Variants in MYH16 observed in about 807,000 individuals in gnomAD.
The protein encoded by MYH16 is myosin heavy chain 16, also known as putative uncharacterized protein MYH16.
chr7:99,257,742 G>A (rs1791888297), intron 10 of MYH16, among the ~76,000 whole-genome samples: 1 of 152,174 alleles, frequency 6.6e-6, no homozygotes, highest in Admixed American at 6.5e-5. Context: ...AACCTTGTAG[G>A]CTCAAATGAT....
chr7:99,241,128 C>T (rs1428448871), intron 1 of MYH16, among the ~76,000 whole-genome samples: 1 of 152,174 alleles, frequency 6.6e-6, no homozygotes, highest in Non-Finnish European at 1.5e-5. Flanking sequence ...CAGACAGTGC[C>T]GGCCAGCCGG....
intron 36 of MYH16, among the ~76,000 whole-genome samples, chr7:99,298,392 C>G (rs1792535673): frequency 6.6e-6 from 1 of 152,080 alleles, no homozygotes; most frequent in Non-Finnish European, 1.5e-5. Flanking sequence ...GCCACTGTGC[C>G]CAGCTAATTT....
At chr7:99,288,419 C>G (rs1330479051) in intron 29 of MYH16, among the ~76,000 whole-genome samples, 1 of 151,932 alleles carries the variant, frequency 6.6e-6, no homozygotes, top group Non-Finnish European at 1.5e-5. Flanking sequence ...GCCTGGGCAA[C>G]AGAGTAAGAC....
At chr7:99,292,324 G>A (rs770725380) in exon 32 of MYH16, 7 of 456,472 alleles carry the variant, frequency 1.5e-5, no homozygotes, top group African/African-American at 4.0e-5. Context: ...TCGCAGCACC[G>A]CCGTGGTGAG....
At chr7:99,268,619 C>T (rs543288143) in intron 18 of MYH16, among the ~76,000 whole-genome samples, 2 of 152,336 alleles carry the variant, frequency 1.3e-5, no homozygotes, top group African/African-American at 4.8e-5. Context: ...ACTAGGCAGA[C>T]TGGCAGCAGG....
chr7:99,294,216 C>A (rs535465754), intron 33 of MYH16, 66 bp downstream of exon 14: 2 of 413,154 alleles, frequency 4.8e-6, no homozygotes, highest in South Asian at 3.5e-5. Context: ...AGGGCTAGGG[C>A]AAGGCTGTCA....
At chr7:99,240,349 G>A (rs910276355) in intron 1 of MYH16, among the ~76,000 whole-genome samples, 3 of 152,056 alleles carry the variant, frequency 2.0e-5, no homozygotes, top group Non-Finnish European at 2.9e-5. Flanking sequence ...CCAAGAGGGA[G>A]GCATGAGCCA....
At chr7:99,309,733 G>T (rs1415178872), downstream of MYH16, among the ~76,000 whole-genome samples, 1 of 152,216 alleles carries the variant, frequency 6.6e-6, no homozygotes, top group Non-Finnish European at 1.5e-5. Context: ...GGCTGGACCT[G>T]GTACAATTGC....
chr7:99,245,275 C>T (rs1409637798), intron 2 of MYH16, among the ~76,000 whole-genome samples: 2 of 152,178 alleles, frequency 1.3e-5, no homozygotes, highest in Non-Finnish European at 2.9e-5. Flanking sequence ...GAAAATTCAA[C>T]ATATCCCAGT....
chr7:99,256,275 CAAAAAAAA>C (rs55894638), intron 9 of MYH16, among the ~76,000 whole-genome samples: 21 of 71,018 alleles, frequency 3.0e-4, no homozygotes, highest in African/African-American at 1.0e-3. Context: ...CCCGTCTCTG[CAAAAAAAA>C]AAAAAAAAAA....
exon 42 of MYH16, chr7:99,306,794 C>G (rs1186263837): frequency 5.9e-5 from 9 of 152,852 alleles, no homozygotes; most frequent in African/African-American, 2.2e-4. Flanking sequence ...CCTCGAAAAC[C>G]CTTTCTGAGG....
chr7:99,279,448 C>T, intron 21 of MYH16, 62 bp from the exon 4 acceptor site: 2 of 440,572 alleles, frequency 4.5e-6, no homozygotes, highest in South Asian at 3.2e-5. Context: ...AAGGCTTGTC[C>T]AGCGTCTTGG....
chr7:99,297,914 G>A (rs955377228), exon 36 of MYH16: 10 of 456,538 alleles, frequency 2.2e-5, no homozygotes, highest in Non-Finnish European at 3.5e-5. Flanking sequence ...AAGGTGATTC[G>A]AATTCAGTTG....
intron 8 of MYH16, among the ~76,000 whole-genome samples, chr7:99,255,088 G>A (rs1791854964): frequency 6.6e-6 from 1 of 152,076 alleles, no homozygotes; most frequent in African/African-American, 2.4e-5. Context: ...GGCCAACATG[G>A]CGAAACCCCA....
In MYH16 at chr7:99,304,759, A is replaced by G. The variant is rs533794067; in HGVS notation, n.5434+3A>G. On this transcript the variant is annotated splice_donor_region_variant and intron_variant and non_coding_transcript_variant, in intron 40 of 41. Transcript: ENST00000439784. Reference sequence around the variant, plus strand: ...CGATCATGAAGCTGGAGGCCAGGGTAAGGGCGATGCAGGGCTCAGCCAAGG... The same window carrying G: ...CGATCATGAAGCTGGAGGCCAGGGTGAGGGCGATGCAGGGCTCAGCCAAGG... 6.5e-6 allele frequency: 1 copy of G among 152,974 alleles called. No individual in the cohort carries two copies. The highest frequency in any genetic ancestry group is 2.4e-5 in the African/African-American group (1 of 41,576). The allele number at this position is 152,974 out of a possible 1,614,324, so 9.5% of individuals were successfully genotyped here.
At chr7:99,303,437 C>T (rs972535341) in intron 39 of MYH16, among the ~76,000 whole-genome samples, 11 of 152,358 alleles carry the variant, frequency 7.2e-5, no homozygotes, top group South Asian at 2.1e-4. Context: ...GCACAAGGCC[C>T]GGGGTCTTGC....
intron 39 of MYH16, among the ~76,000 whole-genome samples, chr7:99,303,987 C>T (rs1478755385): frequency 6.6e-6 from 1 of 152,146 alleles, no homozygotes; most frequent in Non-Finnish European, 1.5e-5. Context: ...CGGGTGTTCA[C>T]ACCAGCCTCG....
intron 23 of MYH16, among the ~76,000 whole-genome samples, chr7:99,282,186 CT>C (rs1792207532): frequency 7.8e-6 from 1 of 128,250 alleles, no homozygotes; most frequent in Non-Finnish European, 1.5e-5. Flanking sequence ...CCACACCCAG[CT>C]AATTTTTTTT....
chr7:99,257,284 G>A (rs1319331043), intron 9 of MYH16: 1 of 153,598 alleles, frequency 6.5e-6, no homozygotes, highest in Non-Finnish European at 1.5e-5. Context: ...ACATGACTTT[G>A]TCTCTGTTGC....
Sources: gnomAD v4.1 joint callset for allele counts (sites outside exome capture counted in the v4.1 genomes callset) on GRCh38, gnomAD v4.1.1 for gene constraint, MANE v1.5 for transcripts, NCBI Gene and HGNC (gene_info 2026-07-23, HGNC 2026-07-21) for gene names.